The following DLG2 variants were observed in gnomAD, a reference collection of about 807,000 sequenced individuals.
The protein encoded by DLG2 is discs large MAGUK scaffold protein 2.
In DLG2, 45 loss-of-function variants were observed where a neutral mutation model predicts 132.5. The observed-to-expected ratio is 0.34, with a 90% CI of 0.27 to 0.44. The LOEUF is 0.44. DLG2 is among the 20% of genes least tolerant of loss of function. The probability of loss-of-function intolerance (pLI) is 1.00; values close to 1 mark genes in which losing one functional copy is unlikely to be tolerated. For synonymous variants in DLG2, 424 were observed against 419.6 expected (o/e 1.01, Z -0.13); for missense variants, 1,045 against 1,196.9 (o/e 0.87, Z 1.87).
At chr11:85,023,802 T>C (rs1044978535) in intron 6 of DLG2, among the ~76,000 whole-genome samples, 1 of 152,102 alleles carries the variant, frequency 6.6e-6, no homozygotes, top group Non-Finnish European at 1.5e-5. Context: ...AAAATATAGA[T>C]TGCTAAGTGC....
chr11:84,842,884 C>T lies in DLG2; in HGVS notation c.357+268777G>A, dbSNP rs59963252. Among the ~76,000 whole-genome samples the T allele has an allele frequency of 4.6e-5, 7 of 151,844 alleles. No homozygotes were observed. The East Asian group carries it at 1.4e-3, about 30-fold the overall frequency. On this transcript the variant is annotated intron_variant, in intron 6 of 27. Transcript: ENST00000376104. ...ATATTTTACCACCACCATTTCTATCCCAAACCCCAACACACACAGCAAAAA... is the reference window on the plus strand; with the variant it reads ...ATATTTTACCACCACCATTTCTATCTCAAACCCCAACACACACAGCAAAAA...
At chr11:85,415,372 C>T (rs1597119432) in intron 3 of DLG2, among the ~76,000 whole-genome samples, 1 of 152,126 alleles carries the variant, frequency 6.6e-6, no homozygotes, top group Non-Finnish European at 1.5e-5. Flanking sequence ...TGGGTTTATA[C>T]CCAGTAATGG....
At chr11:84,901,039 A>C (rs983454184) in intron 6 of DLG2, among the ~76,000 whole-genome samples, 10 of 152,080 alleles carry the variant, frequency 6.6e-5, no homozygotes, top group Non-Finnish European at 1.3e-4. Context: ...ATTAGCTAAC[A>C]AAATAAAAGG....
At chr11:84,099,166 T>A (rs2154179151) in intron 9 of DLG2, 119 bp from the exon 10 acceptor site, 1 of 883,410 alleles carries the variant, frequency 1.1e-6, no homozygotes, top group South Asian at 1.6e-5. Flanking sequence ...CAGTCTTGTA[T>A]GCTAAATCAT....
intron 7 of DLG2, among the ~76,000 whole-genome samples, chr11:84,470,188 G>A (rs1451707512): frequency 6.6e-6 from 1 of 151,466 alleles, no homozygotes; most frequent in African/African-American, 2.4e-5. Flanking sequence ...CACAAGTGTT[G>A]GTAAACATAG....
intron 5 of DLG2, among the ~76,000 whole-genome samples, chr11:85,136,182 G>A (rs1594743339): frequency 6.6e-6 from 1 of 152,248 alleles, no homozygotes; most frequent in Admixed American, 6.5e-5. Flanking sequence ...ATTTGAGAAA[G>A]AAGAGCATTG....
At chr11:83,857,946 T>C (rs574893946) in intron 16 of DLG2, among the ~76,000 whole-genome samples, 1 of 152,260 alleles carries the variant, frequency 6.6e-6, no homozygotes, top group East Asian at 1.9e-4. Flanking sequence ...GCACAAAGAA[T>C]ATGATCAATG....
rs1251736556 is a variant in DLG2 at position 85,269,098 on chromosome 11, A to G, written c.186+16122T>C. Among the ~76,000 whole-genome samples, 9 of 152,332 alleles carry G rather than the reference A, an allele frequency of 5.9e-5. 1 individual carries two copies. The highest frequency in any genetic ancestry group is 2.1e-4 in the South Asian group (1 of 4,824). On this transcript the variant is annotated intron_variant, in intron 4 of 27. Coordinates refer to ENST00000376104, the MANE Select transcript of DLG2 (RefSeq NM_001142699.3). The stretch of plus-strand genomic sequence containing the variant: ...ATATCCCAGGAATGTGTGTGCTTCA[A>G]TCTAGTTCTCACTCAGATGTTTTCC...
At chr11:84,386,428 A>G (rs1431331582) in intron 7 of DLG2, among the ~76,000 whole-genome samples, 1 of 152,096 alleles carries the variant, frequency 6.6e-6, no homozygotes, top group African/African-American at 2.4e-5. Flanking sequence ...AATATTTGAC[A>G]GTCTTCCTCA....
intron 6 of DLG2, among the ~76,000 whole-genome samples, chr11:85,049,507 G>A (rs651536): frequency 0.14 from 21,586 of 151,852 alleles, 1,706 homozygotes; most frequent in South Asian, 0.3. Flanking sequence ...GCTGTACACT[G>A]TAGGATGTTT....
chr11:84,179,626 T>C (rs1596754520), intron 8 of DLG2, among the ~76,000 whole-genome samples: 1 of 152,168 alleles, frequency 6.6e-6, no homozygotes, highest in South Asian at 2.1e-4. Context: ...GAAAATCTAC[T>C]AGTGCTCTGG....
Position 85,155,029 on chromosome 11 carries a change from T to C in DLG2, c.187-378A>G, listed in dbSNP as rs2077501198. On this transcript the variant is annotated intron_variant, in intron 4 of 27. Transcript: ENST00000376104. ...CTTGGAGAAATCTCTATGGAAGCTA[T>C]TGGAGCTCTCAGAACTAGCAGTGGC... 2.6e-5 allele frequency among the ~76,000 whole-genome samples: 4 copies of C among 152,342 alleles called. No homozygotes were observed. In the South Asian group the frequency reaches 8.3e-4, roughly 32 times the overall value.
At chr11:84,339,848 T>C (rs1287027780) in intron 7 of DLG2, among the ~76,000 whole-genome samples, 1 of 152,232 alleles carries the variant, frequency 6.6e-6, no homozygotes, top group African/African-American at 2.4e-5. Context: ...AACATGTGAA[T>C]AGTTTTGCTT....
intron 11 of DLG2, among the ~76,000 whole-genome samples, chr11:84,009,304 C>G (rs2094750969): frequency 6.6e-6 from 1 of 151,886 alleles, no homozygotes; most frequent in Non-Finnish European, 1.5e-5. Context: ...CAAACACCAC[C>G]TTCGATCGCA....
intron 18 of DLG2, among the ~76,000 whole-genome samples, chr11:83,652,196 C>T (rs115912406): frequency 0.01 from 1,587 of 152,202 alleles, 21 homozygotes; most frequent in African/African-American, 0.036. Context: ...CACAAAGCAG[C>T]GACTGTAGAT....
chr11:84,583,983 T>G (rs778219176), intron 6 of DLG2, among the ~76,000 whole-genome samples: 1 of 152,182 alleles, frequency 6.6e-6, no homozygotes, highest in Non-Finnish European at 1.5e-5. Flanking sequence ...TGTGCTCACA[T>G]CATGTTTTAC....
intron 6 of DLG2, among the ~76,000 whole-genome samples, chr11:85,097,385 G>A (rs349078): frequency 0.5 from 75,775 of 151,846 alleles, 19,269 homozygotes; most frequent in East Asian, 0.68. Flanking sequence ...GTCCCCACCC[G>A]ACTCAGAAGC....
intron 14 of DLG2, among the ~76,000 whole-genome samples, chr11:83,936,614 G>T (rs118188287): frequency 0.01 from 1,526 of 152,310 alleles, 14 homozygotes; most frequent in Middle Eastern, 0.02. Context: ...TTATTGAGGA[G>T]TTTATTGGAA....
At chr11:83,656,570 T>G (rs2072519273) in intron 18 of DLG2, among the ~76,000 whole-genome samples, 1 of 152,190 alleles carries the variant, frequency 6.6e-6, no homozygotes, top group African/African-American at 2.4e-5. Context: ...TTGTTGTTCC[T>G]CAAGTCAGAA....
Sources: allele counts gnomAD v4.1 joint callset (sites outside exome capture counted in the v4.1 genomes callset), GRCh38; gene constraint gnomAD v4.1.1; transcripts MANE v1.5; gene names NCBI Gene and HGNC (gene_info 2026-07-23, HGNC 2026-07-21).